The following COIL variants were observed in gnomAD, a reference collection of about 807,000 sequenced individuals.
COIL encodes coilin, also known as coilin p80.
COIL carries 28 observed loss-of-function variants against 51.6 expected under a neutral mutation model. The observed-to-expected ratio is 0.54, with a 90% confidence interval of 0.40 to 0.74. COIL has a LOEUF of 0.74. Ranked by LOEUF, COIL falls within the 30% of genes least tolerant of loss-of-function variation. The pLI, the probability that COIL is intolerant of heterozygous loss-of-function variation, is 0.00. For synonymous variants in COIL, 233 were observed against 255.8 expected (o/e 0.91, Z 0.85); for missense variants, 667 against 685.9 (o/e 0.97, Z 0.31).
chr17:56,959,587 A>G (rs1260908345), intron 1 of COIL, among the ~76,000 whole-genome samples: 3 of 152,194 alleles, frequency 2.0e-5, no homozygotes, highest in Non-Finnish European at 4.4e-5. Context: ...AGAATCCCAA[A>G]ATGTCTGGGT....
At chr17:56,955,624 A>T (rs1469028886) in intron 1 of COIL, among the ~76,000 whole-genome samples, 1 of 152,192 alleles carries the variant, frequency 6.6e-6, no homozygotes, top group Non-Finnish European at 1.5e-5. Context: ...AATGGGGATA[A>T]TGACAATAAT....
chr17:56,952,300 C>A, intron 1 of COIL: 1 of 473,898 alleles, frequency 2.1e-6, no homozygotes, highest in South Asian at 1.6e-5. Flanking sequence ...GCTCCCATCC[C>A]ACCAGTTTGG....
chr17:56,957,947 G>A (rs1178365469), intron 1 of COIL, among the ~76,000 whole-genome samples: 1 of 152,222 alleles, frequency 6.6e-6, no homozygotes, highest in African/African-American at 2.4e-5. Flanking sequence ...ACACAAGTGT[G>A]TGGTGCATCC....
chr17:56,959,694 T>C (rs952818972), intron 1 of COIL, among the ~76,000 whole-genome samples: 1 of 152,164 alleles, frequency 6.6e-6, no homozygotes, highest in Non-Finnish European at 1.5e-5. Context: ...AACACAACGA[T>C]TCCCCTTTGT....
intron 2 of COIL, 55 bp downstream of exon 2, chr17:56,949,834 C>T: frequency 6.2e-7 from 1 of 1,610,720 alleles, no homozygotes; most frequent in Non-Finnish European, 8.5e-7. Flanking sequence ...GACATGAACT[C>T]CACACACATT....
intron 1 of COIL, 28 bp downstream of exon 1, chr17:56,960,747 C>A: frequency 6.7e-7 from 1 of 1,500,804 alleles, no homozygotes; most frequent in Non-Finnish European, 8.9e-7. Context: ...GCCGCCCACC[C>A]GGCCGTCCCG....
In COIL at chr17:56,938,371, G is replaced by A. The variant is rs1389295984; in HGVS notation, c.*700C>T. On this transcript the variant is annotated 3_prime_UTR_variant, in exon 7 of 7. Transcript: ENST00000240316. Reference sequence around the variant, plus strand: ...TCCTCACTCCAGCACACTCAGCCAGGTGCCTGGCAAGATGACACATTTCCT... The same window carrying A: ...TCCTCACTCCAGCACACTCAGCCAGATGCCTGGCAAGATGACACATTTCCT... The A allele has an allele frequency of 6.6e-6, 1 of 152,158 alleles. No homozygotes were observed. Among genetic ancestry groups the A allele is most frequent in the Non-Finnish European group, 1.5e-5 (1 of 68,046 alleles). 9.4% of individuals were successfully genotyped at this position (152,158 alleles called of 1,614,324 possible). A position where few individuals can be genotyped will look rare whatever the true frequency, so the allele number is the denominator to read the frequency against.
chr17:56,951,086 T>C, intron 1 of COIL, 90 bp from the exon 2 acceptor site: 1 of 1,218,298 alleles, frequency 8.2e-7, no homozygotes, highest in South Asian at 1.6e-5. Flanking sequence ...CTCTACAAAA[T>C]GTAACTACCA....
intron 5 of COIL, among the ~76,000 whole-genome samples, chr17:56,945,346 G>A (rs1910229174): frequency 6.6e-6 from 1 of 151,420 alleles, no homozygotes. Flanking sequence ...AAAAAAAAAA[G>A]GAAAACAATT....
Position 56,949,890 on chromosome 17 carries a change from T to C in COIL, c.1352A>G (p.Gln451Arg). 13 of 1,612,878 alleles carry C rather than the reference T, an allele frequency of 8.1e-6. No homozygotes were observed. The highest frequency in any genetic ancestry group is 1.1e-5 in the Non-Finnish European group (13 of 1,179,336). ...DVVKNSSTIIQNPVETPKKDY... is the reference protein window; with the variant it reads ...DVVKNSSTIIRNPVETPKKDY... ...TAACTTACAAAAAATAATACTTACC[T>C]GGATAATAGTAGATGAATTTTTTAC... The change falls in exon 2 of 7, where the codon CAG (glutamine) becomes CGG (arginine). Residue 451 changes from glutamine (Q) to arginine (R), a missense_variant and splice_region_variant. Transcript: ENST00000240316.
chr17:56,944,038 G>T (rs554170049), intron 5 of COIL, among the ~76,000 whole-genome samples: 1,928 of 141,484 alleles, frequency 0.014, 19 homozygotes, highest in Non-Finnish European at 0.022. Flanking sequence ...GCTATGTTTT[G>T]TTTTTTTTTT....
intron 6 of COIL, among the ~76,000 whole-genome samples, chr17:56,939,476 A>G (rs751916618): frequency 6.6e-6 from 1 of 152,048 alleles, no homozygotes; most frequent in Non-Finnish European, 1.5e-5. Flanking sequence ...GAGGCCAGGC[A>G]TGGTAGCTCA....
chr17:56,942,784 G>C (rs1344149936), intron 5 of COIL, among the ~76,000 whole-genome samples: 1 of 152,122 alleles, frequency 6.6e-6, no homozygotes, highest in African/African-American at 2.4e-5. Context: ...CCAAAGCGCT[G>C]GGATTACAGG....
intron 1 of COIL, chr17:56,960,572 G>A (rs1451403186): frequency 2.7e-6 from 1 of 364,950 alleles, no homozygotes; most frequent in Non-Finnish European, 4.9e-6. Flanking sequence ...GCAGATTCCT[G>A]AGCCCCAAAG....
chr17:56,953,086 T>C (rs990383183), intron 1 of COIL, among the ~76,000 whole-genome samples: 9 of 152,006 alleles, frequency 5.9e-5, no homozygotes, highest in African/African-American at 2.2e-4. Flanking sequence ...AAGACCAGCC[T>C]GGGCAACATA....
At chr17:56,956,519 G>T (rs1210944050) in intron 1 of COIL, among the ~76,000 whole-genome samples, 1 of 152,020 alleles carries the variant, frequency 6.6e-6, no homozygotes, top group East Asian at 1.9e-4. Flanking sequence ...GCCTCCCAAA[G>T]TGTTGGTATC....
intron 5 of COIL, among the ~76,000 whole-genome samples, chr17:56,945,886 T>C (rs1910240819): frequency 6.6e-6 from 1 of 152,234 alleles, no homozygotes; most frequent in Non-Finnish European, 1.5e-5. Context: ...CGGCTAATTT[T>C]TGTATTTTTA....
Position 56,950,007 on chromosome 17 carries a change from A to C in COIL, c.1235T>G (p.Met412Arg), listed in dbSNP as rs775361647. The C allele has an allele frequency of 1.2e-6, 2 of 1,613,970 alleles. No individual in the cohort carries two copies. Among genetic ancestry groups the C allele is most frequent in the African/African-American group, 2.7e-5 (2 of 74,890 alleles). Residue 412 changes from methionine (M) to arginine (R), a missense_variant, in exon 2 of 7, where the codon ATG becomes AGG. Coordinates refer to ENST00000240316, the MANE Select transcript of COIL (RefSeq NM_004645.3). ...CCCTCGTCCTCGACCTCTCCCCCGCATGCCCCGTCCCTTAGCTCCCTTCCA... is the reference window on the plus strand; with the variant it reads ...CCCTCGTCCTCGACCTCTCCCCCGCCTGCCCCGTCCCTTAGCTCCCTTCCA... ...FSWKGAKGRG[M>R]RGRGRGRGHP...
chr17:56,960,716 GCGCAGGCGCGTCCCCCGCC>G, intron 1 of COIL, 40 bp downstream of exon 1: 2 of 1,374,192 alleles, frequency 1.5e-6, no homozygotes, highest in South Asian at 1.5e-5. Context: ...GCCCGGGCGT[GCGCAGGCGCGTCCCCCGCC>G]CGCCGCCCAC....
Sources: gnomAD v4.1 joint callset for allele counts (sites outside exome capture counted in the v4.1 genomes callset) on GRCh38, gnomAD v4.1.1 for gene constraint, MANE v1.5 for transcripts, NCBI Gene and HGNC (gene_info 2026-07-23, HGNC 2026-07-21) for gene names.